Variants in FAM81A observed in about 807,000 individuals in gnomAD.
FAM81A encodes the protein protein FAM81A.
FAM81A carries 19 observed loss-of-function variants against 46.7 expected under a neutral mutation model. The ratio of observed to expected loss-of-function variants is 0.41; its 90% confidence interval spans 0.28 to 0.60. FAM81A has a LOEUF of 0.60. FAM81A is among the 20% of genes least tolerant of loss of function. The probability of loss-of-function intolerance (pLI) is 0.34; values close to 1 mark genes in which losing one functional copy is unlikely to be tolerated. For synonymous variants in FAM81A, 183 were observed against 152.9 expected (o/e 1.20, Z -1.45); for missense variants, 377 against 453.5 (o/e 0.83, Z 1.53).
At chr15:59,509,890 G>A (rs1353705027) in intron 6 of FAM81A, among the ~76,000 whole-genome samples, 7 of 152,094 alleles carry the variant, frequency 4.6e-5, no homozygotes, top group Non-Finnish European at 8.8e-5. Flanking sequence ...GGGCCAGCTC[G>A]CAGTTGTGAT....
At chr15:59,506,779 C>G (rs2082153842) in intron 4 of FAM81A, among the ~76,000 whole-genome samples, 1 of 152,226 alleles carries the variant, frequency 6.6e-6, no homozygotes. Context: ...TCATACTATA[C>G]AGCCTTACGA....
intron 3 of FAM81A, among the ~76,000 whole-genome samples, chr15:59,481,812 T>C (rs1470033530): frequency 4.0e-5 from 6 of 151,752 alleles, no homozygotes; most frequent in Non-Finnish European, 5.9e-5. Context: ...GAAAGTTGTA[T>C]TGGGAAGGGC....
chr15:59,504,793 G>A (rs2082132066), intron 4 of FAM81A, among the ~76,000 whole-genome samples: 1 of 152,116 alleles, frequency 6.6e-6, no homozygotes, highest in Non-Finnish European at 1.5e-5. Flanking sequence ...TCTGATATCT[G>A]TTGTCTCCTA....
intron 2 of FAM81A, among the ~76,000 whole-genome samples, chr15:59,420,158 C>T (rs1376517818): frequency 6.6e-6 from 1 of 152,160 alleles, no homozygotes; most frequent in Non-Finnish European, 1.5e-5. Context: ...CAAAAATGTT[C>T]CTGCTAGGAA....
intron 4 of FAM81A, among the ~76,000 whole-genome samples, chr15:59,503,233 CAAA>C (rs769759845): frequency 3.4e-4 from 12 of 35,326 alleles, no homozygotes; most frequent in East Asian, 1.8e-3. Context: ...GAGACTGTCT[CAAA>C]AAAAAAAAAA....
intron 2 of FAM81A, among the ~76,000 whole-genome samples, chr15:59,416,241 C>T (rs2081146184): frequency 6.6e-6 from 1 of 152,204 alleles, no homozygotes; most frequent in Non-Finnish European, 1.5e-5. Context: ...ATAATATGTG[C>T]ATTCCTGTGG....
chr15:59,463,873 C>T (rs929569588), intron 3 of FAM81A, among the ~76,000 whole-genome samples: 2 of 151,750 alleles, frequency 1.3e-5, no homozygotes, highest in Non-Finnish European at 2.9e-5. Context: ...TATACATATT[C>T]TTGGGGTACC....
chr15:59,504,271 G>C (rs2082126858), intron 4 of FAM81A, among the ~76,000 whole-genome samples: 1 of 152,026 alleles, frequency 6.6e-6, no homozygotes, highest in Non-Finnish European at 1.5e-5. Flanking sequence ...ATTGACATGG[G>C]AATGATTTGT....
intron 2 of FAM81A, among the ~76,000 whole-genome samples, chr15:59,403,983 A>G (rs1443197849): frequency 6.6e-6 from 1 of 151,266 alleles, no homozygotes; most frequent in African/African-American, 2.4e-5. Context: ...TCCTGGGTTC[A>G]AGCGATTCTC....
intron 3 of FAM81A, among the ~76,000 whole-genome samples, chr15:59,487,132 T>C (rs554577088): frequency 4.7e-4 from 51 of 107,538 alleles, no homozygotes; most frequent in Admixed American, 4.5e-4. Flanking sequence ...AGTTAAAAAG[T>C]GTGGAGATGA....
intron 2 of FAM81A, among the ~76,000 whole-genome samples, chr15:59,416,396 C>T (rs1303122698): frequency 6.6e-6 from 1 of 152,222 alleles, no homozygotes; most frequent in African/African-American, 2.4e-5. Context: ...TAAGAGTCAA[C>T]CCTGAGAAAG....
At chr15:59,437,997 C>A (rs1258309420), upstream of FAM81A, among the ~76,000 whole-genome samples, 2 of 151,542 alleles carry the variant, frequency 1.3e-5, no homozygotes, top group African/African-American at 2.4e-5. Context: ...CCAGGCTGGG[C>A]GCGGGTGCGC....
intron 1 of FAM81A, among the ~76,000 whole-genome samples, chr15:59,451,704 C>T (rs557728063): frequency 7.0e-4 from 107 of 152,248 alleles, no homozygotes; most frequent in African/African-American, 2.4e-3. Flanking sequence ...CCGTCCACCT[C>T]GGCCTCCCAA....
At chr15:59,517,313 TGAGTGCTGTCATATATGG>T (rs1240610003) in intron 8 of FAM81A, among the ~76,000 whole-genome samples, 1 of 152,212 alleles carries the variant, frequency 6.6e-6, no homozygotes, top group African/African-American at 2.4e-5. Context: ...TTTCAAGTTC[TGAGTGCTGTCATATATGG>T]GAGGGATTAG....
At chr15:59,513,204 TTTA>T (rs1337462726) in intron 6 of FAM81A, among the ~76,000 whole-genome samples, 2 of 152,114 alleles carry the variant, frequency 1.3e-5, no homozygotes, top group African/African-American at 4.8e-5. Flanking sequence ...ATGGGAGGGT[TTTA>T]TTTTTTTCTT....
intron 1 of FAM81A, among the ~76,000 whole-genome samples, chr15:59,451,408 C>G (rs1195073997): frequency 4.0e-5 from 6 of 151,816 alleles, no homozygotes; most frequent in African/African-American, 9.7e-5. Context: ...TATTATAGAG[C>G]TTTTCCTGCT....
intron 1 of FAM81A, among the ~76,000 whole-genome samples, chr15:59,400,014 C>T (rs191519126): frequency 6.6e-6 from 1 of 152,004 alleles, no homozygotes; most frequent in Admixed American, 6.6e-5. Flanking sequence ...AGTCCCCGTC[C>T]GAGTCTCTCT....
chr15:59,513,551 A>G (rs1441949223), intron 6 of FAM81A, among the ~76,000 whole-genome samples: 1 of 152,196 alleles, frequency 6.6e-6, no homozygotes, highest in African/African-American at 2.4e-5. Flanking sequence ...CCAGCTTCCC[A>G]TGTTAGTGCT....
intron 3 of FAM81A, among the ~76,000 whole-genome samples, chr15:59,467,517 A>G (rs2081629248): frequency 1.3e-5 from 2 of 152,014 alleles, no homozygotes; most frequent in Non-Finnish European, 2.9e-5. Flanking sequence ...TTTGTCTGTT[A>G]ATGGTGTATA....
Sources: gnomAD v4.1 joint callset for allele counts (sites outside exome capture counted in the v4.1 genomes callset) on GRCh38, gnomAD v4.1.1 for gene constraint, MANE v1.5 for transcripts, NCBI Gene and HGNC (gene_info 2026-07-23, HGNC 2026-07-21) for gene names.